ABCA12: variants seen among roughly 807,000 people sequenced by gnomAD.
The protein encoded by ABCA12 is glucosylceramide transporter ABCA12.
In ABCA12, 156 loss-of-function variants were observed where a neutral mutation model predicts 293.5. That is an observed-to-expected ratio of 0.53 (90% CI 0.47 to 0.61). The LOEUF is 0.61. Among genes scored for constraint, ABCA12 ranks in the 20% least tolerant of loss-of-function variants. ABCA12 has a pLI of 0.00. For synonymous variants in ABCA12, 1,063 were observed against 1,108.0 expected, an observed-to-expected ratio of 0.96 and a Z score of 0.81; for missense variants, 2,797 against 3,090.2, an observed-to-expected ratio of 0.91 and a Z score of 2.25.
intron 1 of ABCA12, among the ~76,000 whole-genome samples, chr2:215,126,326 TG>T (rs1392323827): frequency 6.6e-6 from 1 of 151,718 alleles, no homozygotes; most frequent in Admixed American, 6.6e-5. Context: ...AATTAGGGGG[TG>T]GGGGTTCCTT....
At chr2:214,973,821 A>T in intron 36 of ABCA12, 128 bp downstream of exon 36, 1 of 809,632 alleles carries the variant, frequency 1.2e-6, no homozygotes. Context: ...CCAGATCCAT[A>T]TTTCTGAGCT....
chr2:215,012,100 T>G lies in ABCA12; in HGVS notation c.1992A>C (p.Glu664Asp). Residue 664 changes from glutamate (E) to aspartate (D), a missense_variant, in exon 16 of 53, where the codon GAA becomes GAC. By Grantham distance (45) the Glu-to-Asp change is conservative (BLOSUM62 2). This residue lies in a region of ABCA12 where 2,130 missense variants were observed against 2,427.0 expected (regional missense o/e 0.88). Transcript: ENST00000272895. ...FFPRKDQKPV[E>D]KMMELFIRLK... ...GTCTTATGAAGAGCTCCATCATCTTTTCTACTGGCTTTTGATCTTTCCTCG... is the reference window on the plus strand; with the variant it reads ...GTCTTATGAAGAGCTCCATCATCTTGTCTACTGGCTTTTGATCTTTCCTCG... 6.2e-7 allele frequency: 1 copy of G among 1,614,006 alleles called. No individual in the cohort carries two copies. Among genetic ancestry groups the G allele is most frequent in the Admixed American group, 1.7e-5 (1 of 60,004 alleles).
chr2:215,010,327 A>C lies in ABCA12; in HGVS notation c.2472+4T>G. ...AAATAGAAACTGAGTTATAATGGTCAAACCTTTTCCATTATTGCCTTTGTG... is the reference window on the plus strand; with the variant it reads ...AAATAGAAACTGAGTTATAATGGTCCAACCTTTTCCATTATTGCCTTTGTG... On this transcript the variant is annotated splice_donor_region_variant and intron_variant, in intron 18 of 52. Coordinates refer to ENST00000272895, the MANE Select transcript of ABCA12 (RefSeq NM_173076.3). 1 of 1,613,638 alleles carries C rather than the reference A, an allele frequency of 6.2e-7. No homozygotes were observed. Among genetic ancestry groups the C allele is most frequent in the Non-Finnish European group, 8.5e-7 (1 of 1,179,620 alleles).
At chr2:214,936,819 G>A (rs1158608592) in intron 51 of ABCA12, among the ~76,000 whole-genome samples, 1 of 151,676 alleles carries the variant, frequency 6.6e-6, no homozygotes, top group Non-Finnish European at 1.5e-5. Context: ...TTTTTAAGAA[G>A]AAATGACCTT....
At chr2:215,103,311 C>A (rs555953467) in intron 2 of ABCA12, among the ~76,000 whole-genome samples, 6 of 141,556 alleles carry the variant, frequency 4.2e-5, no homozygotes, top group African/African-American at 8.4e-5. Context: ...CTCTTGTTGC[C>A]CAGCTGGAGT....
chr2:215,046,707 T>A (rs10180517), intron 6 of ABCA12, among the ~76,000 whole-genome samples: 21,763 of 151,934 alleles, frequency 0.14, 4,720 homozygotes, highest in African/African-American at 0.47. Context: ...TTTTTTTGTG[T>A]TCTCTCATTG....
chr2:214,949,662 A>G (rs1218387444), intron 45 of ABCA12, among the ~76,000 whole-genome samples: 3 of 152,214 alleles, frequency 2.0e-5, no homozygotes, highest in Non-Finnish European at 4.4e-5. Flanking sequence ...TGCTGCCTTA[A>G]TATCGCTTCT....
Position 214,947,486 on chromosome 2 carries a change from T to C in ABCA12, c.7175A>G (p.Tyr2392Cys). Residue 2392 changes from tyrosine (Y) to cysteine (C), a missense_variant, in exon 48 of 53, where the codon TAT (tyrosine) becomes TGT (cysteine). Tyr to Cys is a radical substitution (Grantham distance 194). Transcript: ENST00000272895. ...AGTGGATAATTTTCTTTTTGTGCCA[T>C]AACTGCACATAGAGGTAGCTCTGTC... is the stretch of plus-strand genomic sequence containing the variant. ...FKDRATSMCS[Y>C]GTKRKLSTAL... The C allele has an allele frequency of 6.2e-7, 1 of 1,614,010 alleles. No individual in the cohort carries two copies. The highest frequency in any genetic ancestry group is 8.5e-7 in the Non-Finnish European group (1 of 1,179,910).
chr2:215,093,107 A>G (rs1575039073), intron 2 of ABCA12, among the ~76,000 whole-genome samples: 1 of 152,128 alleles, frequency 6.6e-6, no homozygotes, highest in Non-Finnish European at 1.5e-5. Flanking sequence ...CTGTTCCTCC[A>G]ACATCTATTC....
intron 39 of ABCA12, chr2:214,962,642 A>G (rs1699144576): frequency 6.6e-6 from 1 of 152,152 alleles, no homozygotes; most frequent in African/African-American, 2.4e-5. Context: ...CATGTCACTT[A>G]CTCTAAAATC....
Position 215,000,985 on chromosome 2 carries a change from G to A in ABCA12, c.2899C>T (p.His967Tyr), listed in dbSNP as rs1700131699. 1 of 1,614,010 alleles carries A rather than the reference G, an allele frequency of 6.2e-7. No individual in the cohort carries two copies. The highest frequency in any genetic ancestry group is 1.1e-5 in the South Asian group (1 of 91,080). The change falls in exon 22 of 53, where the codon CAC (histidine) becomes TAC (tyrosine). Residue 967 changes from histidine to tyrosine, a missense_variant. Coordinates refer to ENST00000272895, the MANE Select transcript of ABCA12 (RefSeq NM_173076.3). ...ACATTTCCAGAGTCATAGCCTCTGT[G>A]CCAGCTTCTGTTAGAAGGAAGCTTA... ...IFKLPSNRSW[H>Y]RGYDSGNVFL...
At chr2:214,986,372 TACA>T (rs1032464170) in intron 28 of ABCA12, among the ~76,000 whole-genome samples, 167 bp downstream of exon 28, 4 of 152,240 alleles carry the variant, frequency 2.6e-5, no homozygotes, top group Non-Finnish European at 5.9e-5. Flanking sequence ...TTTAAAGTAT[TACA>T]ACCTTTGATT....
At chr2:215,051,986 G>A (rs1701329342) in intron 5 of ABCA12, among the ~76,000 whole-genome samples, 1 of 152,030 alleles carries the variant, frequency 6.6e-6, no homozygotes, top group Admixed American at 6.6e-5. Context: ...TCATTATCTT[G>A]CAATCTGGGA....
At chr2:215,092,265 A>G (rs1012645801) in intron 2 of ABCA12, among the ~76,000 whole-genome samples, 6 of 149,410 alleles carry the variant, frequency 4.0e-5, no homozygotes, top group Non-Finnish European at 5.9e-5. Context: ...ACCCCTTAAA[A>G]CTCCCCACCT....
chr2:215,129,641 G>A lies in ABCA12; in HGVS notation c.69+8499C>T, dbSNP rs1279461983. On this transcript the variant is annotated intron_variant, in intron 1 of 52. Transcript: ENST00000272895. ...GATTCTAGATATTAATTCATTTTCA[G>A]AAGCATAATTGGTAAATAATTTCTC... Among the ~76,000 whole-genome samples the A allele has an allele frequency of 2.0e-5, 3 of 152,146 alleles. No individual in the cohort carries two copies. The East Asian group carries it at 5.8e-4, about 29-fold the overall frequency.
intron 51 of ABCA12, among the ~76,000 whole-genome samples, chr2:214,934,496 A>C (rs951737028): frequency 4.6e-5 from 7 of 152,198 alleles, no homozygotes; most frequent in African/African-American, 1.7e-4. Flanking sequence ...TGCCTGGAAA[A>C]GAATTTGTGG....
chr2:214,999,928 T>G, intron 22 of ABCA12: 2 of 548,920 alleles, frequency 3.6e-6, no homozygotes, highest in Non-Finnish European at 4.6e-6. Context: ...GAATTGTATA[T>G]AAACTGCAAT....
At chr2:214,975,137 G>A (rs970169289) in intron 34 of ABCA12, among the ~76,000 whole-genome samples, 3 of 152,142 alleles carry the variant, frequency 2.0e-5, no homozygotes, top group African/African-American at 7.2e-5. Context: ...GCTAATTTTT[G>A]TATTTGTAGT....
At chr2:215,095,537 T>TA (rs1404579142) in intron 2 of ABCA12, among the ~76,000 whole-genome samples, 2 of 152,124 alleles carry the variant, frequency 1.3e-5, no homozygotes, top group Non-Finnish European at 2.9e-5. Context: ...ACACCTCCCC[T>TA]AATCCTGCTC....
Sources: allele counts gnomAD v4.1 joint callset (sites outside exome capture counted in the v4.1 genomes callset), GRCh38; gene constraint gnomAD v4.1.1; regional missense constraint gnomAD v4.1.1; transcripts MANE v1.5; gene names NCBI Gene and HGNC (gene_info 2026-07-23, HGNC 2026-07-21).